THSD7A: variants seen among roughly 807,000 people sequenced by gnomAD.
The protein encoded by THSD7A is thrombospondin type 1 domain containing 7A, also known as thrombospondin type-1 domain-containing protein 7A.
Under a neutral mutation model 231.3 loss-of-function variants are expected in THSD7A, and 96 were observed. The ratio of observed to expected loss-of-function variants is 0.41; its 90% confidence interval spans 0.35 to 0.49. THSD7A has a LOEUF of 0.49. THSD7A is among the 20% of genes least tolerant of loss of function. The pLI is 0.05. For missense variants in THSD7A, 2,290 were observed against 2,070.2 expected (o/e 1.11, Z -2.06); for synonymous variants, 940 against 743.3 (o/e 1.26, Z -4.30).
At chr7:11,465,234 TC>T (rs1199493341) in intron 9 of THSD7A, among the ~76,000 whole-genome samples, 1 of 152,190 alleles carries the variant, frequency 6.6e-6, no homozygotes, top group Non-Finnish European at 1.5e-5. Flanking sequence ...TCTATTTCTT[TC>T]CACTTATTCC....
At chr7:11,491,872 C>T (rs890672509) in intron 6 of THSD7A, among the ~76,000 whole-genome samples, 5 of 152,070 alleles carry the variant, frequency 3.3e-5, no homozygotes, top group African/African-American at 1.2e-4. Context: ...AGCCTTGCAA[C>T]GCTCTTTTTG....
At chr7:11,694,674 TG>T (rs1780335028) in intron 1 of THSD7A, among the ~76,000 whole-genome samples, 1 of 151,536 alleles carries the variant, frequency 6.6e-6, no homozygotes, top group Admixed American at 6.6e-5. Flanking sequence ...AAAAGACAGC[TG>T]GGTTTCTGGT....
chr7:11,566,995 A>G (rs1207379562), intron 4 of THSD7A, among the ~76,000 whole-genome samples: 2 of 130,976 alleles, frequency 1.5e-5, no homozygotes, highest in Non-Finnish European at 1.6e-5. Context: ...AAAGTTTCCT[A>G]AAGTTGTTGT....
In THSD7A at chr7:11,831,843, A is replaced by AACAGCG; in HGVS notation, c.103_104insCGCTGT (p.Leu35delinsProLeuPhe). On this transcript the variant is annotated protein_altering_variant, in exon 1 of 28. Coordinates refer to ENST00000423059, the MANE Select transcript of THSD7A (RefSeq NM_015204.3). This position sits in a 1 kb window ranked among gnomAD's most constrained non-coding sequence, Gnocchi z 5.0. ...GCCCGGGCGTAGCAGCAGCAGCAGG[A>AACAGCG]GCAGCGGCAGCGGCAGCGGCAGCGG... 1 of 1,359,974 alleles carries AACAGCG rather than the reference A, an allele frequency of 7.4e-7. No individual in the cohort carries two copies. The highest frequency in any genetic ancestry group is 2.1e-5 in the South Asian group (1 of 48,394). 84.2% of individuals were successfully genotyped at this position (1,359,974 alleles called of 1,614,324 possible). A position where few individuals can be genotyped will look rare whatever the true frequency, so the allele number is the denominator to read the frequency against.
rs111309543 is a variant in THSD7A, at chr7:11,455,656, G to C, written c.2605+5006C>G. ...ATAGATCAGAAAAACTTTTCATATA[G>C]TTTTGACATATATAAAATATAGATT... On this transcript the variant is annotated intron_variant, in intron 11 of 27. Transcript: ENST00000423059. Among the ~76,000 whole-genome samples, 315 of 151,966 alleles carry C rather than the reference G, an allele frequency of 2.1e-3. 1 individual carries two copies. Among genetic ancestry groups the C allele is most frequent in the African/African-American group, 7.1e-3 (294 of 41,470 alleles).
chr7:11,654,597 C>T (rs1420759472), intron 1 of THSD7A, among the ~76,000 whole-genome samples: 6 of 151,930 alleles, frequency 3.9e-5, no homozygotes, highest in South Asian at 2.1e-4. Context: ...ATTTCTCCTT[C>T]GATATTAAAT....
chr7:11,405,654 T>C (rs1312981503), intron 22 of THSD7A, among the ~76,000 whole-genome samples: 2 of 152,196 alleles, frequency 1.3e-5, no homozygotes, highest in Non-Finnish European at 2.9e-5. Context: ...TCCATACTAT[T>C]TGATAAACAA....
At chr7:11,546,195 G>T (rs868231826) in intron 4 of THSD7A, among the ~76,000 whole-genome samples, 2,082 of 78,684 alleles carry the variant, frequency 0.026, 50 homozygotes, top group East Asian at 0.061. Flanking sequence ...TGCTGGTGTG[G>T]GCGCGCGCTC....
At chr7:11,824,153 C>A (rs1454770343) in intron 1 of THSD7A, among the ~76,000 whole-genome samples, 4 of 152,058 alleles carry the variant, frequency 2.6e-5, no homozygotes, top group Admixed American at 2.6e-4. Flanking sequence ...TCACAGTCTG[C>A]ACTGTCTCTT....
At chr7:11,638,167 G>T (rs532663423) in intron 1 of THSD7A, among the ~76,000 whole-genome samples, 18 of 152,286 alleles carry the variant, frequency 1.2e-4, no homozygotes, top group African/African-American at 4.3e-4. Flanking sequence ...TTATGCATAA[G>T]ATTATGTCTG....
intron 6 of THSD7A, among the ~76,000 whole-genome samples, chr7:11,536,991 TA>T (rs1216328797): frequency 1.3e-5 from 2 of 152,258 alleles, no homozygotes; most frequent in Non-Finnish European, 2.9e-5. Context: ...AGACTTAAAA[TA>T]GGGCATTATC....
Position 11,467,097 on chromosome 7 carries a change from A to G in THSD7A, c.2368+2782T>C, listed in dbSNP as rs576312277. ...TCTCTCATCTTCAGTCTCTTCTGGG[A>G]AAGTTTCCTTCACATCTTGGGCTCC... On this transcript the variant is annotated intron_variant, in intron 9 of 27. Transcript: ENST00000423059. Among the ~76,000 whole-genome samples the G allele has an allele frequency of 1.6e-4, 25 of 152,188 alleles. No individual in the cohort carries two copies. The South Asian group carries it at 5.2e-3, about 32-fold the overall frequency.
chr7:11,376,463 T>C, intron 27 of THSD7A, 107 bp downstream of exon 27: 1 of 844,670 alleles, frequency 1.2e-6, no homozygotes, highest in Non-Finnish European at 1.8e-6. Flanking sequence ...ATTTAGAAAT[T>C]CATGTGAACA....
chr7:11,729,638 A>G (rs572019668), intron 1 of THSD7A, among the ~76,000 whole-genome samples: 1 of 151,962 alleles, frequency 6.6e-6, no homozygotes, highest in East Asian at 2.0e-4. Flanking sequence ...ATAACTTAAA[A>G]GAAGCAGATT....
intron 1 of THSD7A, among the ~76,000 whole-genome samples, chr7:11,763,745 G>A (rs775831871): frequency 1.6e-4 from 24 of 152,006 alleles, no homozygotes; most frequent in Non-Finnish European, 2.6e-4. Flanking sequence ...TATTAAATAC[G>A]GTTCCTGCCT....
At chr7:11,400,727 C>T (rs1783371930) in intron 23 of THSD7A, among the ~76,000 whole-genome samples, 1 of 152,086 alleles carries the variant, frequency 6.6e-6, no homozygotes, top group African/African-American at 2.4e-5. Flanking sequence ...GTCATCTAGC[C>T]CATTTGGTTT....
At chr7:11,480,212 T>C (rs542921739) in intron 7 of THSD7A, among the ~76,000 whole-genome samples, 14 of 152,314 alleles carry the variant, frequency 9.2e-5, no homozygotes, top group Admixed American at 5.9e-4. Context: ...ATGATACATA[T>C]CAAAGAGCAA....
intron 1 of THSD7A, among the ~76,000 whole-genome samples, chr7:11,712,548 T>G (rs1250273080): frequency 1.3e-5 from 2 of 151,068 alleles, no homozygotes; most frequent in Non-Finnish European, 3.0e-5. Context: ...TTAAATATTT[T>G]CCACCAAATA....
chr7:11,444,724 C>T lies in THSD7A; in HGVS notation c.3064+1337G>A, dbSNP rs1439381555. ...ATGTTGCAAACCTGCACTTTCTGTA[C>T]ATGTATCCCAGAACTTAAAGTATAA... On this transcript the variant is annotated intron_variant, in intron 13 of 27. Transcript: ENST00000423059. This position sits in a 1 kb window ranked among gnomAD's most constrained non-coding sequence, Gnocchi z 4.2. Among the ~76,000 whole-genome samples, 1 of 150,860 alleles carries T rather than the reference C, an allele frequency of 6.6e-6. No homozygotes were observed. The highest frequency in any genetic ancestry group is 1.5e-5 in the Non-Finnish European group (1 of 67,806).
Sources: allele counts gnomAD v4.1 joint callset (sites outside exome capture counted in the v4.1 genomes callset), GRCh38; gene constraint gnomAD v4.1.1; non-coding constraint Gnocchi (gnomAD v3.1); transcripts MANE v1.5; gene names NCBI Gene and HGNC (gene_info 2026-07-23, HGNC 2026-07-21).